Variants in KHDRBS3 observed in about 807,000 individuals in gnomAD.
The protein encoded by KHDRBS3 is KH domain-containing, RNA-binding, signal transduction-associated protein 3.
A neutral mutation model predicts 45.6 loss-of-function variants in KHDRBS3; 23 were observed. The observed-to-expected ratio is 0.50, with a 90% CI of 0.36 to 0.72. KHDRBS3 has a LOEUF of 0.72. KHDRBS3 is among the 30% of genes least tolerant of loss of function. The probability of loss-of-function intolerance (pLI) is 0.00; values close to 1 mark genes in which losing one functional copy is unlikely to be tolerated. For synonymous variants in KHDRBS3, 162 were observed against 156.5 expected (o/e 1.04, Z -0.26); for missense variants, 352 against 424.8 (o/e 0.83, Z 1.51).
exon 5 of KHDRBS3, chr8:135,656,492 C>T (rs1172091471): frequency 2.0e-5 from 3 of 152,136 alleles, no homozygotes; most frequent in Admixed American, 1.3e-4. Context: ...TAAAGGCTGC[C>T]TATTGAAATC....
At chr8:135,577,877 T>G (rs1272370791) in intron 5 of KHDRBS3, among the ~76,000 whole-genome samples, 2 of 152,322 alleles carry the variant, frequency 1.3e-5, no homozygotes, top group East Asian at 3.9e-4. Context: ...GAGTTTATGT[T>G]TTTCATATCC....
At chr8:135,519,309 C>T (rs192766450) in intron 1 of KHDRBS3, among the ~76,000 whole-genome samples, 13 of 152,224 alleles carry the variant, frequency 8.5e-5, no homozygotes, top group Admixed American at 3.9e-4. Flanking sequence ...AAGCTAACTG[C>T]GGGAGTTAGC....
intron 2 of KHDRBS3, among the ~76,000 whole-genome samples, chr8:135,530,215 T>C (rs1250726241): frequency 6.6e-6 from 1 of 152,208 alleles, no homozygotes; most frequent in Non-Finnish European, 1.5e-5. Context: ...TTTAGCAATA[T>C]ACTGCTGGGC....
chr8:135,553,302 TC>T lies in KHDRBS3; in HGVS notation c.472-4144del, dbSNP rs1826706208. Among the ~76,000 whole-genome samples the T allele has an allele frequency of 1.3e-5, 2 of 152,170 alleles. 1 individual carries two copies. The highest frequency in any genetic ancestry group is 4.1e-4 in the South Asian group (2 of 4,832). ...GTGTACCATTAGTCAGTTTTCAGAC[TC>T]CTAAAATGGTTACTTTGAACCATTT... On this transcript the variant is annotated intron_variant, in intron 4 of 8. Transcript: ENST00000355849.
chr8:135,655,157 T>C lies in KHDRBS3; in HGVS notation c.*118-1069T>C, dbSNP rs188717087. 2.0e-5 allele frequency among the ~76,000 whole-genome samples: 3 copies of C among 152,382 alleles called. No homozygotes were observed. The East Asian group carries it at 5.8e-4, about 29-fold the overall frequency. ...AAGGCAATGCCCTCATCAATAGATT[T>C]ACTGTATTAGATGTTTAACTTTTTA... On this transcript the variant is annotated intron_variant and NMD_transcript_variant, in intron 4 of 4. Coordinates refer to the KHDRBS3 transcript ENST00000521461.
At chr8:135,494,122 CT>C (rs576889448) in intron 1 of KHDRBS3, among the ~76,000 whole-genome samples, 9 of 151,688 alleles carry the variant, frequency 5.9e-5, no homozygotes, top group African/African-American at 2.2e-4. Context: ...ATTCTTTACT[CT>C]TTTTTTTCTT....
chr8:135,522,703 A>G (rs1936163660), intron 2 of KHDRBS3, among the ~76,000 whole-genome samples: 1 of 152,156 alleles, frequency 6.6e-6, no homozygotes, highest in African/African-American at 2.4e-5. Flanking sequence ...ATGTATTTGA[A>G]TCTTGAAATC....
chr8:135,487,742 G>A (rs1319823204), intron 1 of KHDRBS3, among the ~76,000 whole-genome samples: 1 of 152,172 alleles, frequency 6.6e-6, no homozygotes, highest in Non-Finnish European at 1.5e-5. Context: ...ATTTCACAAT[G>A]GTGAAGAGTT....
chr8:135,602,255 C>A (rs1444472761), intron 6 of KHDRBS3, among the ~76,000 whole-genome samples: 2 of 152,196 alleles, frequency 1.3e-5, no homozygotes, highest in African/African-American at 4.8e-5. Flanking sequence ...TCTCCTATTG[C>A]ACCCTGCTTC....
At chr8:135,601,704 C>T (rs1019451481) in intron 6 of KHDRBS3, among the ~76,000 whole-genome samples, 7 of 152,190 alleles carry the variant, frequency 4.6e-5, no homozygotes, top group African/African-American at 1.4e-4. Context: ...AGTTCCTCAT[C>T]CCAGGTCTTG....
intron 6 of KHDRBS3, among the ~76,000 whole-genome samples, chr8:135,583,943 T>C (rs1344519328): frequency 6.6e-6 from 1 of 152,268 alleles, no homozygotes; most frequent in Non-Finnish European, 1.5e-5. Context: ...ATTTATTTTT[T>C]ATTTTTGTAA....
intron 7 of KHDRBS3, among the ~76,000 whole-genome samples, chr8:135,629,032 C>T (rs1345218807): frequency 1.3e-5 from 2 of 152,150 alleles, no homozygotes; most frequent in African/African-American, 4.8e-5. Context: ...CTCTGAAGAT[C>T]GATTTCTTCC....
At chr8:135,494,683 T>A (rs997724536) in intron 1 of KHDRBS3, among the ~76,000 whole-genome samples, 7 of 152,204 alleles carry the variant, frequency 4.6e-5, no homozygotes, top group Non-Finnish European at 8.8e-5. Flanking sequence ...GCAAGCTGGT[T>A]TTCTGCCCTT....
Position 135,647,114 on chromosome 8 carries a change from A to G in KHDRBS3, c.*30A>G, listed in dbSNP as rs375094806. 526 of 1,182,144 alleles carry G rather than the reference A, an allele frequency of 4.4e-4. 1 individual carries two copies. The highest frequency in any genetic ancestry group is 1.0e-3 in the South Asian group (85 of 82,048). The allele number at this position is 1,182,144 out of a possible 1,614,324, so 73.2% of individuals were successfully genotyped here. A position where few individuals can be genotyped will look rare whatever the true frequency, so the allele number is the denominator to read the frequency against. ...ACTGTCTGATGTTGTGAAATAGCCA[A>G]TCTCCACCAGTCCTGTATACTGTTC... On this transcript the variant is annotated 3_prime_UTR_variant, in exon 9 of 9. Transcript: ENST00000355849.
At chr8:135,585,228 CAAAAAAA>C (rs35301059) in intron 6 of KHDRBS3, among the ~76,000 whole-genome samples, 5 of 96,154 alleles carry the variant, frequency 5.2e-5, no homozygotes, top group East Asian at 2.8e-4. Flanking sequence ...GACTCCGTCT[CAAAAAAA>C]AAAAAAAAAA....
rs768527789 is a variant in KHDRBS3 at position 135,655,489 on chromosome 8, A to G, written c.*118-737A>G. ...GTCAACCAAGACATGAAATGGCGTC[A>G]TGTGTTTTAGGAACGTATAAGCAGC... On this transcript the variant is annotated intron_variant and NMD_transcript_variant, in intron 4 of 4. Coordinates refer to the KHDRBS3 transcript ENST00000521461. Among the ~76,000 whole-genome samples the G allele has an allele frequency of 3.9e-5, 6 of 152,232 alleles. No individual in the cohort carries two copies. The East Asian group carries it at 1.2e-3, about 29-fold the overall frequency.
chr8:135,572,330 C>A (rs1371393723), intron 5 of KHDRBS3, among the ~76,000 whole-genome samples: 1 of 152,198 alleles, frequency 6.6e-6, no homozygotes, highest in African/African-American at 2.4e-5. Context: ...TAAGAATGTA[C>A]TTCCTTATAC....
chr8:135,510,595 C>T lies in KHDRBS3; in HGVS notation c.89-10642C>T, dbSNP rs546902133. Among the ~76,000 whole-genome samples the T allele has an allele frequency of 3.4e-3, 511 of 152,236 alleles. 2 individuals carry two copies. Among genetic ancestry groups the T allele is most frequent in the African/African-American group, 8.1e-3 (337 of 41,560 alleles). ...GACTATAGGCACACGCCACCATGCC[C>T]GGCTAATTTTTATATTTTTAGTAGA... is the stretch of plus-strand genomic sequence containing the variant. On this transcript the variant is annotated intron_variant, in intron 1 of 8. Transcript: ENST00000355849.
chr8:135,587,222 C>T (rs1828519247), intron 6 of KHDRBS3, among the ~76,000 whole-genome samples: 1 of 152,186 alleles, frequency 6.6e-6, no homozygotes, highest in Admixed American at 6.5e-5. Flanking sequence ...GCCAACTGTT[C>T]TTCATCGGAG....
Sources: allele counts gnomAD v4.1 joint callset (sites outside exome capture counted in the v4.1 genomes callset), GRCh38; gene constraint gnomAD v4.1.1; transcripts MANE v1.5; gene names NCBI Gene and HGNC (gene_info 2026-07-23, HGNC 2026-07-21).